BICD1: variants seen among roughly 807,000 people sequenced by gnomAD.
The protein encoded by BICD1 is protein bicaudal D homolog 1.
BICD1 carries 35 observed loss-of-function variants against 92.5 expected under a neutral mutation model. The observed-to-expected ratio is 0.38, with a 90% CI of 0.29 to 0.50. BICD1 has a LOEUF of 0.50. Among genes scored for constraint, BICD1 ranks in the 20% least tolerant of loss-of-function variants. The probability of loss-of-function intolerance (pLI) is 0.93; values close to 1 mark genes in which losing one functional copy is unlikely to be tolerated. For missense variants in BICD1, 950 were observed against 1,189.8 expected, an observed-to-expected ratio of 0.80 and a Z score of 2.97; for synonymous variants, 429 against 465.1, an observed-to-expected ratio of 0.92 and a Z score of 1.00.
intron 2 of BICD1, among the ~76,000 whole-genome samples, chr12:32,292,241 C>T (rs977688582): frequency 6.6e-6 from 1 of 152,140 alleles, no homozygotes; most frequent in East Asian, 1.9e-4. Context: ...TGTTCCTTGG[C>T]GTGTAGATGG....
chr12:32,182,776 A>G (rs908143505), intron 1 of BICD1, among the ~76,000 whole-genome samples: 1 of 151,820 alleles, frequency 6.6e-6, no homozygotes, highest in Admixed American at 6.6e-5. Context: ...TAGAAATAAA[A>G]GAAAATTAAA....
rs1940140104 is a variant in BICD1, at chr12:32,380,458, A to AC, written c.*2831_*2832insC. The AC allele has an allele frequency of 6.6e-6, 1 of 152,238 alleles. No individual in the cohort carries two copies. Among genetic ancestry groups the AC allele is most frequent in the Non-Finnish European group, 1.5e-5 (1 of 68,024 alleles). The allele number at this position is 152,238 out of a possible 1,614,324, so 9.4% of individuals were successfully genotyped here. The stretch of plus-strand genomic sequence containing the variant: ...GCTAATTATTGCAAACAGAGTGAGC[A>AC]AAGATTAATGCTAACTAGTAAAAGT... On this transcript the variant is annotated 3_prime_UTR_variant, in exon 10 of 10. Transcript: ENST00000652176.
chr12:32,182,615 G>C (rs1022238565), intron 1 of BICD1, among the ~76,000 whole-genome samples: 4 of 151,556 alleles, frequency 2.6e-5, no homozygotes, highest in African/African-American at 9.7e-5. Flanking sequence ...GTAAATTTCT[G>C]TCCTGAGCAG....
At chr12:32,295,221 G>C (rs575331728) in intron 3 of BICD1, among the ~76,000 whole-genome samples, 2 of 151,968 alleles carry the variant, frequency 1.3e-5, no homozygotes, top group Non-Finnish European at 2.9e-5. Flanking sequence ...TGATTGGTTT[G>C]CATTGTGGAT....
At chr12:32,142,394 G>A in intron 1 of BICD1, among the ~76,000 whole-genome samples, 1 of 91,672 alleles carries the variant, frequency 1.1e-5, no homozygotes, top group Admixed American at 1.5e-4. Flanking sequence ...GCAAAAGAGT[G>A]AGACTCTGTC....
intron 1 of BICD1, among the ~76,000 whole-genome samples, chr12:32,169,638 T>A (rs1347275736): frequency 6.6e-6 from 1 of 152,220 alleles, no homozygotes; most frequent in African/African-American, 2.4e-5. Context: ...AAGTTTTCTC[T>A]GCTAACCACA....
intron 3 of BICD1, among the ~76,000 whole-genome samples, chr12:32,298,091 A>G (rs1453733553): frequency 6.6e-6 from 1 of 151,644 alleles, no homozygotes; most frequent in African/African-American, 2.4e-5. Flanking sequence ...GCTGAGATGG[A>G]AGGATTACTT....
intron 2 of BICD1, among the ~76,000 whole-genome samples, chr12:32,241,535 A>T (rs1389237887): frequency 6.6e-6 from 1 of 152,212 alleles, no homozygotes; most frequent in Non-Finnish European, 1.5e-5. Context: ...AGTATTATTA[A>T]TTAAAAACTT....
chr12:32,354,748 A>ATCAG (rs1939035046), intron 8 of BICD1, among the ~76,000 whole-genome samples: 1 of 152,236 alleles, frequency 6.6e-6, no homozygotes, highest in Non-Finnish European at 1.5e-5. Flanking sequence ...TTTTATTCAT[A>ATCAG]TCAGTGTACC....
intron 8 of BICD1, chr12:32,339,470 G>T: frequency 1.0e-6 from 1 of 985,498 alleles, no homozygotes; most frequent in East Asian, 1.1e-4. Flanking sequence ...CTAAGATTTT[G>T]CTCCTCAAGA....
intron 2 of BICD1, among the ~76,000 whole-genome samples, chr12:32,260,336 A>G (rs1247783562): frequency 6.6e-6 from 1 of 152,176 alleles, no homozygotes; most frequent in African/African-American, 2.4e-5. Context: ...TATAGCAAGA[A>G]TCATTTGGAA....
At chr12:32,339,630 T>C (rs1938283519) in intron 8 of BICD1, 2 of 985,236 alleles carry the variant, frequency 2.0e-6, no homozygotes, top group Non-Finnish European at 1.2e-6. Flanking sequence ...TGAAGAGGCC[T>C]AACTTGAAAA....
At chr12:32,204,802 A>T (rs1356214869) in intron 1 of BICD1, among the ~76,000 whole-genome samples, 1 of 152,202 alleles carries the variant, frequency 6.6e-6, no homozygotes. Context: ...GATATCTTAA[A>T]TGTTCAAGGG....
At chr12:32,367,525 AG>A (rs1939569420) in intron 8 of BICD1, 144 bp from the exon 9 acceptor site, 2 of 657,810 alleles carry the variant, frequency 3.0e-6, no homozygotes, top group Non-Finnish European at 5.0e-6. Context: ...TCATTCAAGA[AG>A]AAAAAAAAAA....
chr12:32,262,705 GAGATT>G (rs1946888643), intron 2 of BICD1, among the ~76,000 whole-genome samples: 1 of 152,218 alleles, frequency 6.6e-6, no homozygotes, highest in African/African-American at 2.4e-5. Context: ...GACAGAGACA[GAGATT>G]GGAATTCTGC....
intron 1 of BICD1, among the ~76,000 whole-genome samples, chr12:32,160,406 A>G (rs1291263034): frequency 2.6e-5 from 4 of 152,194 alleles, no homozygotes; most frequent in Non-Finnish European, 5.9e-5. Flanking sequence ...ATTCTATTGT[A>G]TACTTTAGAA....
In BICD1 at chr12:32,364,301, G is replaced by A. The variant is rs193215387; in HGVS notation, c.2765-3369G>A. 4.6e-5 allele frequency among the ~76,000 whole-genome samples: 7 copies of A among 152,286 alleles called. No individual in the cohort carries two copies. In the East Asian group the frequency reaches 1.2e-3, roughly 25 times the overall value. On this transcript the variant is annotated intron_variant, in intron 8 of 9. Coordinates refer to ENST00000652176, the MANE Select transcript of BICD1 (RefSeq NM_001714.4). ...ATTCCCCCCAAAGCAACGAGATGTGGTCTAGTTCCTTCAAGGGTGAGCCTA... is the reference window on the plus strand; with the variant it reads ...ATTCCCCCCAAAGCAACGAGATGTGATCTAGTTCCTTCAAGGGTGAGCCTA...
chr12:32,286,254 A>T (rs1034579486), intron 2 of BICD1, among the ~76,000 whole-genome samples: 3 of 152,158 alleles, frequency 2.0e-5, no homozygotes, highest in Non-Finnish European at 4.4e-5. Context: ...TTTACAATGT[A>T]TATATTCCCA....
At chr12:32,267,004 C>G (rs1947015355) in intron 2 of BICD1, among the ~76,000 whole-genome samples, 1 of 152,250 alleles carries the variant, frequency 6.6e-6, no homozygotes, top group Non-Finnish European at 1.5e-5. Context: ...TATGTACTGA[C>G]AGTCCCCATT....
Sources: allele counts gnomAD v4.1 joint callset (sites outside exome capture counted in the v4.1 genomes callset), GRCh38; gene constraint gnomAD v4.1.1; transcripts MANE v1.5; gene names NCBI Gene and HGNC (gene_info 2026-07-23, HGNC 2026-07-21).